The following UNC5D variants were observed in gnomAD, a reference collection of about 807,000 sequenced individuals.
UNC5D encodes the protein unc-5 netrin receptor D.
A neutral mutation model predicts 105.4 loss-of-function variants in UNC5D; 39 were observed. The ratio of observed to expected loss-of-function variants is 0.37; its 90% CI spans 0.29 to 0.48. The LOEUF (loss-of-function observed/expected upper bound fraction) is 0.48, where lower values mean the gene tolerates loss of function less well. Among genes scored for constraint, UNC5D ranks in the 20% least tolerant of loss-of-function variants. The pLI, the probability that UNC5D is intolerant of heterozygous loss-of-function variation, is 0.98. For missense variants in UNC5D, 991 were observed against 1,202.4 expected, an observed-to-expected ratio of 0.82 and a Z score of 2.60; for synonymous variants, 452 against 450.4, an observed-to-expected ratio of 1.00 and a Z score of -0.04.
intron 1 of UNC5D, among the ~76,000 whole-genome samples, chr8:35,284,009 A>G (rs1024836491): frequency 2.0e-5 from 3 of 152,212 alleles, no homozygotes; most frequent in African/African-American, 7.2e-5. Context: ...TTTCTCTAGG[A>G]AGTCTTTTTT....
At chr8:35,583,717 C>A (rs961518970) in intron 3 of UNC5D, among the ~76,000 whole-genome samples, 1 of 152,130 alleles carries the variant, frequency 6.6e-6, no homozygotes, top group Non-Finnish European at 1.5e-5. Context: ...GAAAACAAGG[C>A]AGCAGAGAAT....
chr8:35,296,502 C>T (rs967366444), intron 1 of UNC5D, among the ~76,000 whole-genome samples: 2 of 152,176 alleles, frequency 1.3e-5, no homozygotes, highest in Admixed American at 1.3e-4. Context: ...TCACTGCAAC[C>T]TCTGCCTCCC....
chr8:35,563,808 G>A (rs1817133189), intron 2 of UNC5D, among the ~76,000 whole-genome samples: 1 of 151,544 alleles, frequency 6.6e-6, no homozygotes, highest in African/African-American at 2.4e-5. Flanking sequence ...AATTTTTCGA[G>A]GTTTTTATTA....
intron 1 of UNC5D, among the ~76,000 whole-genome samples, chr8:35,490,370 A>G (rs1811130938): frequency 6.6e-6 from 1 of 152,030 alleles, no homozygotes; most frequent in Non-Finnish European, 1.5e-5. Flanking sequence ...ATCTCTACAA[A>G]AATGTTTTTA....
At chr8:35,689,602 C>G (rs1481726786) in intron 7 of UNC5D, among the ~76,000 whole-genome samples, 2 of 152,330 alleles carry the variant, frequency 1.3e-5, no homozygotes, top group Non-Finnish European at 2.9e-5. Flanking sequence ...GCTATGGAAC[C>G]AGGAACATCT....
At chr8:35,259,841 T>A (rs943719193) in intron 1 of UNC5D, among the ~76,000 whole-genome samples, 35 of 149,458 alleles carry the variant, frequency 2.3e-4, no homozygotes, top group African/African-American at 8.4e-4. Context: ...GTGGAGGAAG[T>A]GGGGAGGGGT....
rs188444453 is a variant in UNC5D at position 35,416,503 on chromosome 8, T to G, written c.104-132789T>G. Among the ~76,000 whole-genome samples the G allele has an allele frequency of 1.1e-4, 16 of 152,256 alleles. No homozygotes were observed. The East Asian group carries it at 1.5e-3, about 15-fold the overall frequency. On this transcript the variant is annotated intron_variant, in intron 1 of 16. Coordinates refer to ENST00000404895, the MANE Select transcript of UNC5D (RefSeq NM_080872.4). The stretch of plus-strand genomic sequence containing the variant: ...TTTAAATGCCTGGACAATGTAAATA[T>G]CAAAAAATGGTTAGTCACTTACAAG...
At chr8:35,325,997 C>G (rs1810128878) in intron 1 of UNC5D, among the ~76,000 whole-genome samples, 1 of 152,140 alleles carries the variant, frequency 6.6e-6, no homozygotes, top group Non-Finnish European at 1.5e-5. Flanking sequence ...GGTCCATATT[C>G]TTTAAATTCT....
chr8:35,484,945 T>G (rs896036071), intron 1 of UNC5D, among the ~76,000 whole-genome samples: 8 of 152,206 alleles, frequency 5.3e-5, no homozygotes, highest in African/African-American at 1.9e-4. Flanking sequence ...CTAACTCCAG[T>G]TCTCAATATT....
intron 4 of UNC5D, among the ~76,000 whole-genome samples, chr8:35,601,022 A>C (rs1819841386): frequency 6.6e-6 from 1 of 152,080 alleles, no homozygotes; most frequent in African/African-American, 2.4e-5. Context: ...ACATATGGCT[A>C]GCCAGTTTTC....
chr8:35,411,845 A>G (rs771029381), intron 1 of UNC5D, among the ~76,000 whole-genome samples: 5 of 151,986 alleles, frequency 3.3e-5, no homozygotes, highest in Non-Finnish European at 7.4e-5. Context: ...GCCATATTAT[A>G]TTTTTAAAAG....
intron 1 of UNC5D, among the ~76,000 whole-genome samples, chr8:35,236,774 G>C (rs1802499777): frequency 6.6e-6 from 1 of 152,196 alleles, no homozygotes; most frequent in African/African-American, 2.4e-5. Context: ...GGCAGTTTCA[G>C]ACACAGCTCA....
intron 11 of UNC5D, among the ~76,000 whole-genome samples, chr8:35,733,800 A>G (rs1406639972): frequency 6.6e-6 from 1 of 152,182 alleles, no homozygotes; most frequent in Non-Finnish European, 1.5e-5. Flanking sequence ...ATTGGGTTAA[A>G]GAGGGGTACA....
intron 4 of UNC5D, among the ~76,000 whole-genome samples, chr8:35,677,103 C>T (rs757916903): frequency 2.3e-4 from 35 of 152,046 alleles, no homozygotes; most frequent in East Asian, 1.2e-3. Context: ...TTGCGGTCTA[C>T]GTTTTGCCAC....
At chr8:35,524,691 C>G (rs999220017) in intron 1 of UNC5D, among the ~76,000 whole-genome samples, 1 of 116,360 alleles carries the variant, frequency 8.6e-6, no homozygotes, top group Non-Finnish European at 1.9e-5. Flanking sequence ...GAAAAGAAAA[C>G]AAAAATTTAA....
chr8:35,708,572 C>G (rs1287632632), intron 8 of UNC5D, among the ~76,000 whole-genome samples: 1 of 152,194 alleles, frequency 6.6e-6, no homozygotes, highest in Admixed American at 6.5e-5. Context: ...TAGAGTCAAA[C>G]TGAAAAATGG....
intron 1 of UNC5D, among the ~76,000 whole-genome samples, chr8:35,516,724 C>G (rs1813124049): frequency 6.6e-6 from 1 of 152,208 alleles, no homozygotes; most frequent in African/African-American, 2.4e-5. Flanking sequence ...GTATCCAGCA[C>G]AAGCCCTACA....
chr8:35,755,935 C>T (rs1830499757), intron 13 of UNC5D, among the ~76,000 whole-genome samples: 1 of 152,168 alleles, frequency 6.6e-6, no homozygotes, highest in Non-Finnish European at 1.5e-5. Context: ...GTTGTCCAAA[C>T]CTGGCTGGTC....
intron 1 of UNC5D, among the ~76,000 whole-genome samples, chr8:35,268,254 C>T (rs939059741): frequency 6.7e-6 from 1 of 148,770 alleles, no homozygotes; most frequent in Admixed American, 6.9e-5. Flanking sequence ...TTAGTGACAT[C>T]AGTGAAGATG....
Sources: allele counts gnomAD v4.1 joint callset (sites outside exome capture counted in the v4.1 genomes callset), GRCh38; gene constraint gnomAD v4.1.1; transcripts MANE v1.5; gene names NCBI Gene and HGNC (gene_info 2026-07-23, HGNC 2026-07-21).